The following TNIK variants were observed in gnomAD, a reference collection of about 807,000 sequenced individuals.
TNIK encodes TRAF2 and NCK-interacting protein kinase.
In TNIK, 49 loss-of-function variants were observed where a neutral mutation model predicts 191.3. That is an observed-to-expected ratio of 0.26 (90% CI 0.20 to 0.32). The LOEUF (loss-of-function observed/expected upper bound fraction) is 0.32, where lower values mean the gene tolerates loss of function less well. Ranked by LOEUF, TNIK falls within the 10% of genes least tolerant of loss-of-function variation. TNIK has a pLI of 1.00. For missense variants in TNIK, 1,155 were observed against 1,702.3 expected, an observed-to-expected ratio of 0.68 and a Z score of 5.66; for synonymous variants, 594 against 600.9, an observed-to-expected ratio of 0.99 and a Z score of 0.17.
chr3:171,175,423 C>T (rs1260411187), intron 8 of TNIK, 93 bp from the exon 9 acceptor site: 26 of 1,036,744 alleles, frequency 2.5e-5, no homozygotes, highest in Non-Finnish European at 3.6e-5. Context: ...TGCCCAATGA[C>T]CCACTCAGTT....
At chr3:171,363,942 TG>T (rs1395782214) in intron 2 of TNIK, among the ~76,000 whole-genome samples, 2 of 152,228 alleles carry the variant, frequency 1.3e-5, no homozygotes, top group Admixed American at 6.5e-5. Flanking sequence ...CTTTGATTTT[TG>T]CTTTTCTCAG....
chr3:171,066,508 A>G (rs1198930104), intron 31 of TNIK, 68 bp downstream of exon 31: 1 of 1,560,576 alleles, frequency 6.4e-7, no homozygotes, highest in Admixed American at 1.9e-5. Context: ...TGGTTGTTTC[A>G]CATTTCTTGA....
At chr3:171,399,532 C>G (rs1160729567) in intron 1 of TNIK, among the ~76,000 whole-genome samples, 1 of 152,022 alleles carries the variant, frequency 6.6e-6, no homozygotes. Context: ...TAGGAAACAG[C>G]CTAAATGTTA....
intron 1 of TNIK, among the ~76,000 whole-genome samples, chr3:171,459,736 C>A (rs1486822387): frequency 4.0e-5 from 6 of 150,620 alleles, no homozygotes; most frequent in African/African-American, 1.5e-4. Flanking sequence ...TGCTCTTACA[C>A]CGGTATAAGA....
At chr3:171,118,336 T>C (rs1576872586) in intron 18 of TNIK, among the ~76,000 whole-genome samples, 1 of 152,194 alleles carries the variant, frequency 6.6e-6, no homozygotes, top group Non-Finnish European at 1.5e-5. Context: ...ATAGGAAGAA[T>C]CAATATCGTG....
intron 2 of TNIK, among the ~76,000 whole-genome samples, chr3:171,287,774 T>C (rs1751177518): frequency 6.6e-6 from 1 of 152,176 alleles, no homozygotes; most frequent in African/African-American, 2.4e-5. Context: ...ATTTGATATA[T>C]AAAGGGCCAA....
At chr3:171,451,631 G>C (rs1396190075) in intron 1 of TNIK, among the ~76,000 whole-genome samples, 1 of 152,156 alleles carries the variant, frequency 6.6e-6, no homozygotes, top group East Asian at 1.9e-4. Flanking sequence ...TTCTGACACG[G>C]AGAACTACAA....
At chr3:171,273,034 A>G (rs1438601601) in intron 2 of TNIK, among the ~76,000 whole-genome samples, 1 of 152,236 alleles carries the variant, frequency 6.6e-6, no homozygotes, top group Non-Finnish European at 1.5e-5. Context: ...ATGTATGATC[A>G]GAAGCCCATG....
intron 10 of TNIK, among the ~76,000 whole-genome samples, chr3:171,166,183 A>G (rs951676366): frequency 1.3e-5 from 2 of 152,148 alleles, no homozygotes; most frequent in East Asian, 1.9e-4. Flanking sequence ...TTGGAATGCA[A>G]AGTTCAAAAG....
intron 24 of TNIK, among the ~76,000 whole-genome samples, chr3:171,085,710 C>A (rs950259407): frequency 1.3e-5 from 2 of 152,214 alleles, no homozygotes; most frequent in Non-Finnish European, 2.9e-5. Context: ...CTACTCTGGC[C>A]TGGTGATGCA....
At chr3:171,440,115 C>G (rs1726588704) in intron 1 of TNIK, among the ~76,000 whole-genome samples, 1 of 152,176 alleles carries the variant, frequency 6.6e-6, no homozygotes, top group African/African-American at 2.4e-5. Context: ...ACAATGATTA[C>G]TGGAGCTGAG....
chr3:171,430,647 CAAAA>C, intron 1 of TNIK, among the ~76,000 whole-genome samples: 1 of 113,972 alleles, frequency 8.8e-6, no homozygotes, highest in East Asian at 3.9e-4. Flanking sequence ...AAAAAACAGA[CAAAA>C]AAAAAAAAAA....
At chr3:171,162,695 T>C (rs1235704562) in intron 10 of TNIK, among the ~76,000 whole-genome samples, 1 of 152,252 alleles carries the variant, frequency 6.6e-6, no homozygotes, top group Non-Finnish European at 1.5e-5. Flanking sequence ...TTCTCTCATT[T>C]ATTTTTCATA....
chr3:171,422,410 G>A (rs1723935554), intron 1 of TNIK, among the ~76,000 whole-genome samples: 1 of 151,784 alleles, frequency 6.6e-6, no homozygotes, highest in Admixed American at 6.6e-5. Flanking sequence ...TTTATTTCTG[G>A]GAATTAGTAA....
At chr3:171,203,300 G>T (rs749801380) in intron 4 of TNIK, among the ~76,000 whole-genome samples, 9 of 152,156 alleles carry the variant, frequency 5.9e-5, no homozygotes, top group Non-Finnish European at 1.3e-4. Context: ...GACCTTTCAT[G>T]GGTAGTTGAA....
intron 23 of TNIK, 27 bp from the exon 24 acceptor site, chr3:171,087,533 G>T: frequency 6.2e-6 from 10 of 1,607,284 alleles, no homozygotes; most frequent in Non-Finnish European, 8.5e-6. Context: ...CGTGGGAGGA[G>T]TTAGAGAGGG....
chr3:171,426,329 C>A (rs1032907818), intron 1 of TNIK, among the ~76,000 whole-genome samples: 5 of 147,358 alleles, frequency 3.4e-5, no homozygotes, highest in African/African-American at 7.5e-5. Flanking sequence ...ACCGCATGTT[C>A]TCACTCATAG....
At chr3:171,180,498 G>A (rs771547474) in intron 7 of TNIK, among the ~76,000 whole-genome samples, 51 of 152,336 alleles carry the variant, frequency 3.3e-4, no homozygotes, top group Non-Finnish European at 6.6e-4. Flanking sequence ...TCTTTGTTCT[G>A]TTGTCTGATG....
chr3:171,320,207 T>G (rs773600868), intron 2 of TNIK, among the ~76,000 whole-genome samples: 2 of 152,214 alleles, frequency 1.3e-5, no homozygotes, highest in Non-Finnish European at 2.9e-5. Flanking sequence ...TCTTCTTTAA[T>G]TAGCAGGCAT....
Sources: gnomAD v4.1 joint callset for allele counts (sites outside exome capture counted in the v4.1 genomes callset) on GRCh38, gnomAD v4.1.1 for gene constraint, MANE v1.5 for transcripts, NCBI Gene and HGNC (gene_info 2026-07-23, HGNC 2026-07-21) for gene names.